UBR3: variants seen among roughly 807,000 people sequenced by gnomAD.
The protein encoded by UBR3 is E3 ubiquitin-protein ligase UBR3.
Under a neutral mutation model 243.2 loss-of-function variants are expected in UBR3, and 85 were observed. That is an observed-to-expected ratio of 0.35 (90% CI 0.29 to 0.42). The LOEUF (loss-of-function observed/expected upper bound fraction) is 0.42. Among genes scored for constraint, UBR3 ranks in the 10% least tolerant of loss-of-function variants. The pLI is 1.00. For missense variants in UBR3, 1,686 were observed against 2,300.8 expected (o/e 0.73, Z 5.47); for synonymous variants, 748 against 799.8 (o/e 0.94, Z 1.09).
intron 1 of UBR3, among the ~76,000 whole-genome samples, chr2:169,859,938 G>T (rs6718583): frequency 2.0e-4 from 31 of 152,072 alleles, no homozygotes; most frequent in Admixed American, 2.0e-3. Context: ...AAGATGTTCT[G>T]GATCTCCTGA....
chr2:170,055,441 G>A lies in UBR3; in HGVS notation c.4661-19G>A, dbSNP rs369037780. 7 of 1,605,030 alleles carry A rather than the reference G, an allele frequency of 4.4e-6. No homozygotes were observed. The highest frequency in any genetic ancestry group is 2.2e-5 in the South Asian group (2 of 88,942). On this transcript the variant is annotated intron_variant, in intron 32 of 38. Coordinates refer to ENST00000272793, the MANE Select transcript of UBR3 (RefSeq NM_172070.4). ...AATATCTAGATTCCAAAGAAATAAT[G>A]ATTTTTTTTCTCTTGCAGACCACTT... is the stretch of plus-strand genomic sequence containing the variant.
chr2:169,899,191 G>A (rs2084716147), intron 8 of UBR3, among the ~76,000 whole-genome samples: 1 of 149,004 alleles, frequency 6.7e-6, no homozygotes, highest in South Asian at 2.1e-4. Flanking sequence ...CATTGGCCAG[G>A]CTGGTCTTGG....
intron 32 of UBR3, among the ~76,000 whole-genome samples, chr2:170,041,492 TAG>T (rs1362423988): frequency 1.3e-5 from 2 of 152,182 alleles, no homozygotes; most frequent in Admixed American, 1.3e-4. Flanking sequence ...GTAGTAATTG[TAG>T]AGTTATTAAA....
rs760895312 is a variant in UBR3 at position 170,013,841 on chromosome 2, AT to A, written c.4368-1438del. 6 of 459,448 alleles carry A rather than the reference AT, an allele frequency of 1.3e-5. 1 individual carries two copies. The highest frequency in any genetic ancestry group is 9.6e-5 in the South Asian group (6 of 62,202). The allele number at this position is 459,448 out of a possible 1,614,324, so 28.5% of individuals were successfully genotyped here. A position where few individuals can be genotyped will look rare whatever the true frequency, so the allele number is the denominator to read the frequency against. On this transcript the variant is annotated intron_variant, in intron 29 of 38. Transcript: ENST00000272793. The stretch of plus-strand genomic sequence containing the variant: ...TATAGCCATTAATTTTTTTCTACAG[AT>A]TAGGCAACAGAAGATTTGTGAAAAC...
At chr2:170,031,418 C>T (rs2105423864) in intron 31 of UBR3, among the ~76,000 whole-genome samples, 1 of 152,000 alleles carries the variant, frequency 6.6e-6, no homozygotes, top group East Asian at 1.9e-4. Context: ...AATTTTGAGT[C>T]ACAGTTAAAC....
intron 23 of UBR3, among the ~76,000 whole-genome samples, chr2:169,952,338 G>A (rs1164473998): frequency 6.6e-6 from 1 of 152,140 alleles, no homozygotes; most frequent in Non-Finnish European, 1.5e-5. Context: ...AGTTCAATAA[G>A]ATTGGCCATC....
chr2:170,041,085 G>A, intron 32 of UBR3, 100 bp downstream of exon 32: 2 of 1,166,332 alleles, frequency 1.7e-6, no homozygotes, highest in South Asian at 3.0e-5. Flanking sequence ...GCTCATGCTT[G>A]TAATCCCCGC....
intron 1 of UBR3, among the ~76,000 whole-genome samples, chr2:169,866,208 C>T (rs1360417906): frequency 7.1e-5 from 7 of 98,222 alleles, no homozygotes; most frequent in East Asian, 5.8e-4. Context: ...GCTTTTAAAA[C>T]GTGTACTTGA....
intron 24 of UBR3, among the ~76,000 whole-genome samples, chr2:169,971,386 A>C (rs1412139928): frequency 6.6e-6 from 1 of 150,856 alleles, no homozygotes; most frequent in African/African-American, 2.4e-5. Flanking sequence ...TGTTTTAGAC[A>C]TGAAGTCCTT....
At chr2:169,896,292 A>G (rs2084586880) in intron 7 of UBR3, among the ~76,000 whole-genome samples, 1 of 151,100 alleles carries the variant, frequency 6.6e-6, no homozygotes, top group African/African-American at 2.4e-5. Flanking sequence ...GTTTTGGGGG[A>G]AAAAAATTTT....
chr2:169,947,486 T>C (rs1250887674), intron 21 of UBR3, 56 bp from the exon 22 acceptor site: 7 of 1,321,278 alleles, frequency 5.3e-6, no homozygotes, highest in African/African-American at 1.5e-5. Context: ...TACATCTCCA[T>C]TGTACCTTGG....
At chr2:170,073,313 C>A in intron 35 of UBR3, 115 bp from the exon 36 acceptor site, 1 of 1,200,720 alleles carries the variant, frequency 8.3e-7, no homozygotes, top group Non-Finnish European at 1.2e-6. Context: ...TTTCAGTTGA[C>A]TCAGTTAAGA....
Position 169,942,552 on chromosome 2 carries a change from C to T in UBR3, c.2723C>T (p.Ser908Leu). 1 of 1,550,494 alleles carries T rather than the reference C, an allele frequency of 6.4e-7. No homozygotes were observed. Among genetic ancestry groups the T allele is most frequent in the South Asian group, 1.2e-5 (1 of 83,992 alleles). Residue 908 changes from serine to leucine, a missense_variant, in exon 20 of 39, where the codon TCA becomes TTA. Coordinates refer to ENST00000272793, the MANE Select transcript of UBR3 (RefSeq NM_172070.4). ...NPWPPYKKRT[S>L]LHPSYKGLMR... ...TGGCCTCCATATAAGAAAAGGACAT[C>T]ACTCCATCCTAGCTATAAAGGTCTT... is the stretch of plus-strand genomic sequence containing the variant.
At chr2:170,056,071 A>G (rs987325721) in intron 33 of UBR3, among the ~76,000 whole-genome samples, 1 of 141,840 alleles carries the variant, frequency 7.1e-6, no homozygotes, top group Non-Finnish European at 1.5e-5. Context: ...GCAGTGGTAC[A>G]ATCTCAGCTC....
At chr2:169,927,443 A>G (rs1025072517) in intron 17 of UBR3, 38 bp downstream of exon 17, 17 of 1,393,718 alleles carry the variant, frequency 1.2e-5, no homozygotes, top group African/African-American at 1.5e-5. Flanking sequence ...TAGTTGCAGG[A>G]TCTAAAATAA....
At chr2:169,977,270 T>C (rs2088492704) in intron 24 of UBR3, among the ~76,000 whole-genome samples, 1 of 152,164 alleles carries the variant, frequency 6.6e-6, no homozygotes, top group Non-Finnish European at 1.5e-5. Flanking sequence ...AAGTTCAAAA[T>C]CTATATTAGG....
Position 169,947,692 on chromosome 2 carries a change from TC to T in UBR3, c.3062del (p.Ser1021LeufsTer18). On this transcript the variant is annotated frameshift_variant, in exon 22 of 39. Coordinates refer to ENST00000272793, the MANE Select transcript of UBR3 (RefSeq NM_172070.4). LOFTEE classifies it high-confidence loss of function. ...GAGAGACTCACCTGCAAGTACTAGC[TC>T]TGATAACTTGGGTTCTTTACAAGTA... ...VKRDSPASTS[S>X]DNLGSLQNSG... 6.6e-7 allele frequency: 1 copy of T among 1,509,504 alleles called. No individual in the cohort carries two copies. The highest frequency in any genetic ancestry group is 1.7e-4 in the Middle Eastern group (1 of 5,816). The allele number at this position is 1,509,504 out of a possible 1,614,324, so 93.5% of individuals were successfully genotyped here.
rs6716960 is a variant in UBR3 at position 169,890,548 on chromosome 2, T to G, written c.1039-617T>G. Among the ~76,000 whole-genome samples, 242 of 72,934 alleles carry G rather than the reference T, an allele frequency of 3.3e-3. 9 individuals carry two copies. The highest frequency in any genetic ancestry group is 0.013 in the African/African-American group (225 of 17,676). The allele number at this position is 72,934 out of a possible 152,430, so 47.8% of individuals were successfully genotyped here. The stretch of plus-strand genomic sequence containing the variant: ...TAGGAGAGAGAGAGAGAGATATATA[T>G]ATATATATATATATATGTGTATATA... On this transcript the variant is annotated intron_variant, in intron 5 of 38. Transcript: ENST00000272793.
intron 31 of UBR3, among the ~76,000 whole-genome samples, chr2:170,036,672 C>G (rs1281707612): frequency 6.6e-6 from 1 of 151,906 alleles, no homozygotes; most frequent in Non-Finnish European, 1.5e-5. Context: ...TATTCTGGAC[C>G]TCTGTCCATT....
Sources: gnomAD v4.1 joint callset for allele counts (sites outside exome capture counted in the v4.1 genomes callset) on GRCh38, gnomAD v4.1.1 for gene constraint, MANE v1.5 for transcripts, NCBI Gene and HGNC (gene_info 2026-07-23, HGNC 2026-07-21) for gene names.